Variants in PCDHGB3 observed in about 807,000 individuals in gnomAD.
The protein encoded by PCDHGB3 is protocadherin gamma-B3.
In PCDHGB3, 40 loss-of-function variants were observed where a neutral mutation model predicts 59.2. That is an observed-to-expected ratio of 0.68 (90% CI 0.52 to 0.88). The LOEUF is 0.88. PCDHGB3 is among the 40% of genes least tolerant of loss of function. The pLI, the probability that PCDHGB3 is intolerant of heterozygous loss-of-function variation, is 0.00. For synonymous variants in PCDHGB3, 581 were observed against 503.6 expected, an observed-to-expected ratio of 1.15 and a Z score of -2.06; for missense variants, 1,309 against 1,187.9, an observed-to-expected ratio of 1.10 and a Z score of -1.50.
Position 141,490,271 on chromosome 5 carries a change from A to G in PCDHGB3, c.2416-4536A>G, listed in dbSNP as rs750463186. 6.8e-6 allele frequency: 11 copies of G among 1,614,246 alleles called. No homozygotes were observed. Among genetic ancestry groups the G allele is most frequent in the Non-Finnish European group, 8.5e-6 (10 of 1,180,054 alleles). On this transcript the variant is annotated intron_variant, in intron 1 of 3. Coordinates refer to ENST00000576222, the MANE Select transcript of PCDHGB3 (RefSeq NM_018924.5). The surrounding 1 kb of genome is among the most constrained non-coding windows in gnomAD (Gnocchi z 5.4). The stretch of plus-strand genomic sequence containing the variant: ...ATTCAAGTGGATGTGGGGGATGTCA[A>G]TGACAATGCCCCAGAGGTGCTATTG...
chr5:141,387,559 A>G, intron 1 of PCDHGB3: 1 of 421,914 alleles, frequency 2.4e-6, no homozygotes, highest in South Asian at 5.1e-5. Flanking sequence ...TCAGTTAGGC[A>G]CACAATTATA....
At chr5:141,421,774 C>G (rs767599830) in intron 1 of PCDHGB3, 27 of 1,613,772 alleles carry the variant, frequency 1.7e-5, no homozygotes, top group Middle Eastern at 1.6e-4. Context: ...TTCCTTGCAA[C>G]TGCGGGGCAG....
chr5:141,472,316 C>T (rs1456055286), intron 1 of PCDHGB3, among the ~76,000 whole-genome samples: 6 of 151,940 alleles, frequency 3.9e-5, no homozygotes, highest in Non-Finnish European at 8.8e-5. Context: ...CCGAGGCAGG[C>T]AGATCACGAG....
rs189987196 is a variant in PCDHGB3, at chr5:141,420,754, C to T, written c.2415+47945C>T. Among the ~76,000 whole-genome samples, 291 of 152,292 alleles carry T rather than the reference C, an allele frequency of 1.9e-3. 2 individuals carry two copies. The highest frequency in any genetic ancestry group is 3.6e-3 in the Non-Finnish European group (248 of 68,020). On this transcript the variant is annotated intron_variant, in intron 1 of 3. Coordinates refer to ENST00000576222, the MANE Select transcript of PCDHGB3 (RefSeq NM_018924.5). ...TAAAATCAATTGGAACCAACTACAA[C>T]CTACAAGTTTTCAGCTCCAGTAATA... is the stretch of plus-strand genomic sequence containing the variant.
Position 141,490,457 on chromosome 5 carries a change from T to C in PCDHGB3, c.2416-4350T>C. 1 of 1,614,214 alleles carries C rather than the reference T, an allele frequency of 6.2e-7. No homozygotes were observed. Among genetic ancestry groups the C allele is most frequent in the Non-Finnish European group, 8.5e-7 (1 of 1,180,042 alleles). ...AAGCCTTCTGAGAACCACTACTCGC[T>C]GCTAACCAGCCAGCCTTTGGACCGG... On this transcript the variant is annotated intron_variant, in intron 1 of 3. Coordinates refer to ENST00000576222, the MANE Select transcript of PCDHGB3 (RefSeq NM_018924.5). The surrounding 1 kb of genome is among the most constrained non-coding windows in gnomAD (Gnocchi z 5.4).
At chr5:141,421,303 G>A (rs1456288695) in intron 1 of PCDHGB3, 1 of 1,613,660 alleles carries the variant, frequency 6.2e-7, no homozygotes, top group Non-Finnish European at 8.5e-7. Flanking sequence ...GACGCTGCGG[G>A]GGTTCCGGGC....
At chr5:141,504,203 A>G (rs2099836487) in intron 2 of PCDHGB3, among the ~76,000 whole-genome samples, 1 of 152,248 alleles carries the variant, frequency 6.6e-6, no homozygotes, top group Non-Finnish European at 1.5e-5. Context: ...TCACTGTGGG[A>G]AAATTCCAAG....
intron 1 of PCDHGB3, chr5:141,382,731 A>C: frequency 3.6e-6 from 2 of 554,530 alleles, no homozygotes; most frequent in Non-Finnish European, 6.1e-6. Context: ...TTTACAGCAC[A>C]GAGAAACGAC....
intron 3 of PCDHGB3, among the ~76,000 whole-genome samples, chr5:141,507,617 C>T (rs1366723844): frequency 6.6e-6 from 1 of 152,278 alleles, no homozygotes; most frequent in African/African-American, 2.4e-5. Context: ...GTATATTTAG[C>T]TGTTGTGGCC....
intron 3 of PCDHGB3, 133 bp downstream of exon 3, chr5:141,505,614 AC>A: frequency 6.6e-7 from 1 of 1,510,758 alleles, no homozygotes; most frequent in Non-Finnish European, 8.9e-7. Flanking sequence ...GTCTGAAAGG[AC>A]CCACAATTCC....
chr5:141,405,229 C>T, intron 1 of PCDHGB3: 1 of 1,614,144 alleles, frequency 6.2e-7, no homozygotes, highest in Non-Finnish European at 8.5e-7. Context: ...AGTTCTCCCT[C>T]ACCGCTGACT....
In PCDHGB3 at chr5:141,476,784, C is replaced by A; in HGVS notation, c.2416-18023C>A. 1 of 1,613,520 alleles carries A rather than the reference C, an allele frequency of 6.2e-7. No homozygotes were observed. On this transcript the variant is annotated intron_variant, in intron 1 of 3. Transcript: ENST00000576222. The surrounding 1 kb of genome is among the most constrained non-coding windows in gnomAD (Gnocchi z 7.6). ...ACGGCGTTGGACGGAGGGACCCCAGCTCTCTCCGCCAGCCTGCCTATTCAC... is the reference window on the plus strand; with the variant it reads ...ACGGCGTTGGACGGAGGGACCCCAGATCTCTCCGCCAGCCTGCCTATTCAC...
intron 1 of PCDHGB3, chr5:141,402,866 T>A (rs1339290452): frequency 4.2e-6 from 6 of 1,442,196 alleles, no homozygotes; most frequent in Non-Finnish European, 5.5e-6. Context: ...AAGGAAAAGA[T>A]CACCATACTT....
intron 1 of PCDHGB3, chr5:141,408,186 G>A (rs529140572): frequency 1.7e-4 from 266 of 1,542,242 alleles, no homozygotes; most frequent in Non-Finnish European, 2.2e-4. Flanking sequence ...GGGACCCAGC[G>A]AGAACCCGAG....
At position 141,404,149 on chromosome 5, in the gene PCDHGB3, A is replaced by G. The variant is rs758060942; in HGVS notation, c.2415+31340A>G. The G allele has an allele frequency of 3.1e-6, 5 of 1,612,750 alleles. No individual in the cohort carries two copies. In the African/African-American group the frequency reaches 5.3e-5, roughly 17 times the overall value. On this transcript the variant is annotated intron_variant, in intron 1 of 3. Transcript: ENST00000576222. Reference sequence around the variant, plus strand: ...CTTTTACATTAGAAAATTCAGAAGAAGATTATTACAGATTGTTGACGGCCC... The same window carrying G: ...CTTTTACATTAGAAAATTCAGAAGAGGATTATTACAGATTGTTGACGGCCC...
chr5:141,474,169 T>C (rs1268235616), intron 1 of PCDHGB3, among the ~76,000 whole-genome samples: 2 of 152,232 alleles, frequency 1.3e-5, no homozygotes, highest in Non-Finnish European at 2.9e-5. Context: ...GGCCTTATTA[T>C]TGAGAAAACT....
At chr5:141,419,991 T>C (rs1192003266) in intron 1 of PCDHGB3, 1 of 1,614,078 alleles carries the variant, frequency 6.2e-7, no homozygotes. Context: ...ATTCTAGCTA[T>C]TGCTCTACGC....
chr5:141,415,078 G>T (rs780547982), intron 1 of PCDHGB3: 2 of 1,613,376 alleles, frequency 1.2e-6, no homozygotes, highest in Non-Finnish European at 8.5e-7. Context: ...CACGGCGCGA[G>T]CCCTGCTGGA....
At chr5:141,441,863 C>A in intron 1 of PCDHGB3, 2 of 342,418 alleles carry the variant, frequency 5.8e-6, no homozygotes, top group African/African-American at 2.2e-5. Flanking sequence ...CTGCACGCCG[C>A]GGAGCCTGGC....
Sources: allele counts gnomAD v4.1 joint callset (sites outside exome capture counted in the v4.1 genomes callset), GRCh38; gene constraint gnomAD v4.1.1; non-coding constraint Gnocchi (gnomAD v3.1); transcripts MANE v1.5; gene names NCBI Gene and HGNC (gene_info 2026-07-23, HGNC 2026-07-21).